The following SLC25A12 variants were observed in gnomAD, a reference collection of about 807,000 sequenced individuals.
The protein encoded by SLC25A12 is electrogenic aspartate/glutamate antiporter SLC25A12, mitochondrial.
A neutral mutation model predicts 83.3 loss-of-function variants in SLC25A12; 32 were observed. That is an observed-to-expected ratio of 0.38 (90% CI 0.29 to 0.52). The LOEUF (loss-of-function observed/expected upper bound fraction) is 0.52. Among genes scored for constraint, SLC25A12 ranks in the 20% least tolerant of loss-of-function variants. SLC25A12 has a pLI of 0.84. For synonymous variants in SLC25A12, 267 were observed against 291.1 expected (o/e 0.92, Z 0.84); for missense variants, 611 against 835.6 (o/e 0.73, Z 3.31).
chr2:171,890,867 T>C (rs539050415), intron 2 of SLC25A12, among the ~76,000 whole-genome samples: 148 of 152,316 alleles, frequency 9.7e-4, no homozygotes, highest in Middle Eastern at 3.4e-3. Flanking sequence ...CAATAATGCT[T>C]GTGTCAATGT....
At chr2:171,793,455 T>C (rs746508211) in intron 14 of SLC25A12, among the ~76,000 whole-genome samples, 172 bp downstream of exon 14, 3 of 152,172 alleles carry the variant, frequency 2.0e-5, no homozygotes, top group Non-Finnish European at 2.9e-5. Context: ...AGAGGCTGCA[T>C]GTGTATCCCA....
chr2:171,846,180 G>C (rs1377990308), intron 4 of SLC25A12, among the ~76,000 whole-genome samples: 3 of 151,246 alleles, frequency 2.0e-5, no homozygotes, highest in Non-Finnish European at 4.4e-5. Flanking sequence ...TTACTTTTAA[G>C]GTCTAACAAA....
At chr2:171,820,727 CAA>C (rs375978724) in intron 9 of SLC25A12, among the ~76,000 whole-genome samples, 90 of 109,580 alleles carry the variant, frequency 8.2e-4, no homozygotes, top group East Asian at 1.1e-3. Context: ...GACTCCGTCT[CAA>C]AAAAAAAAAA....
chr2:171,844,280 T>G (rs1053852542), intron 5 of SLC25A12, 89 bp downstream of exon 5: 1 of 1,429,686 alleles, frequency 7.0e-7, no homozygotes, highest in Non-Finnish European at 9.8e-7. Flanking sequence ...CATGGAGAAC[T>G]TCTATTTTTG....
intron 17 of SLC25A12, among the ~76,000 whole-genome samples, chr2:171,786,382 TAAAAA>T (rs5836348): frequency 4.8e-4 from 41 of 85,794 alleles, no homozygotes; most frequent in African/African-American, 1.7e-3. Context: ...AGACTCCGTC[TAAAAA>T]AAAAAAAAAA....
At chr2:171,875,525 G>GA (rs1685545523) in intron 2 of SLC25A12, among the ~76,000 whole-genome samples, 1 of 152,060 alleles carries the variant, frequency 6.6e-6, no homozygotes, top group Non-Finnish European at 1.5e-5. Context: ...GGCAAGGGGT[G>GA]AAAAAATTCC....
chr2:171,829,892 T>G (rs560634838), intron 8 of SLC25A12, among the ~76,000 whole-genome samples: 1 of 152,304 alleles, frequency 6.6e-6, no homozygotes, highest in Non-Finnish European at 1.5e-5. Flanking sequence ...CTACTGATCC[T>G]AACTGGGACT....
rs140625255 is a variant in SLC25A12 at position 171,859,914 on chromosome 2, C to T, written c.210-3965G>A. 3.4e-4 allele frequency among the ~76,000 whole-genome samples: 52 copies of T among 152,162 alleles called. No homozygotes were observed. In the East Asian group the frequency reaches 9.7e-3, roughly 28 times the overall value. On this transcript the variant is annotated intron_variant, in intron 3 of 17. Coordinates refer to ENST00000422440, the MANE Select transcript of SLC25A12 (RefSeq NM_003705.5). Reference sequence around the variant, plus strand: ...TCCTGAGTAGCTGGGATTACAGGTGCGTGCCACCACACCAGGCTAATTTTT... The same window carrying T: ...TCCTGAGTAGCTGGGATTACAGGTGTGTGCCACCACACCAGGCTAATTTTT...
At chr2:171,894,127 A>G in intron 1 of SLC25A12, 76 bp downstream of exon 1, 1 of 1,539,296 alleles carries the variant, frequency 6.5e-7, no homozygotes, top group East Asian at 2.4e-5. Context: ...TAAAATGGGA[A>G]GCAGTGGGGG....
At chr2:171,806,000 T>C (rs1378116545) in intron 13 of SLC25A12, among the ~76,000 whole-genome samples, 1 of 151,860 alleles carries the variant, frequency 6.6e-6, no homozygotes, top group African/African-American at 2.4e-5. Flanking sequence ...TCCCAGCTAC[T>C]GGGGAGGCTG....
In SLC25A12 at chr2:171,868,765, C is replaced by T. The variant is rs143779282; in HGVS notation, c.125G>A (p.Arg42His). The change falls in exon 3 of 18, where the codon CGC becomes CAC. Residue 42 changes from arginine (R) to histidine (H), a missense_variant. By Grantham distance (29) the Arg-to-His change is conservative (BLOSUM62 0). Transcript: ENST00000422440. The stretch of plus-strand genomic sequence containing the variant: ...TGGATCATTATACAGTCCAAGATAG[C>T]GCTGAACAAAGTCTTCTGGGGTCAT... ...RYMTPEDFVQ[R>H]YLGLYNDPNS... 1.9e-5 allele frequency: 30 copies of T among 1,613,242 alleles called. No homozygotes were observed. The highest frequency in any genetic ancestry group is 4.5e-5 in the East Asian group (2 of 44,892).
intron 3 of SLC25A12, 70 bp from the exon 4 acceptor site, chr2:171,856,019 A>C: frequency 1.2e-6 from 1 of 856,988 alleles, no homozygotes; most frequent in Non-Finnish European, 2.0e-6. Context: ...ATCTGCCTTT[A>C]CTATATAAAC....
chr2:171,826,652 T>G (rs1438760157), intron 9 of SLC25A12, 146 bp downstream of exon 9: 1 of 662,658 alleles, frequency 1.5e-6, no homozygotes, highest in East Asian at 2.8e-5. Context: ...TAACAGTAGT[T>G]CTATAAAGGT....
chr2:171,815,489 T>C (rs1335243255), intron 9 of SLC25A12, among the ~76,000 whole-genome samples: 4 of 152,222 alleles, frequency 2.6e-5, no homozygotes, highest in Non-Finnish European at 5.9e-5. Flanking sequence ...TAATGCCTCA[T>C]TTATCTGCTA....
chr2:171,836,440 GTCCAGA>G (rs1330044694), intron 6 of SLC25A12, among the ~76,000 whole-genome samples: 1 of 152,176 alleles, frequency 6.6e-6, no homozygotes, highest in East Asian at 1.9e-4. Flanking sequence ...TTTGCTATTG[GTCCAGA>G]TGATTACTTT....
chr2:171,863,255 G>C (rs1685204622), intron 3 of SLC25A12, among the ~76,000 whole-genome samples: 1 of 152,170 alleles, frequency 6.6e-6, no homozygotes, highest in Non-Finnish European at 1.5e-5. Context: ...GCCAGGTGCG[G>C]TGGCTTATGC....
Position 171,813,364 on chromosome 2 carries a change from A to G in SLC25A12, c.1146T>C (p.Tyr382=). ...CCCTGTAGAGTCCAAAGAAGCCCTC[A>G]TAACGCAAGACTTTCTTAAAACAGT... ...SFDCFKKVLR[Y]EGFFGLYRGL... Residue 382 remains tyrosine (Y), a synonymous_variant, in exon 11 of 18, where the codon TAT becomes TAC. Transcript: ENST00000422440. The G allele has an allele frequency of 6.2e-7, 1 of 1,614,076 alleles. No homozygotes were observed.
At chr2:171,850,346 T>G (rs1177529141) in intron 4 of SLC25A12, among the ~76,000 whole-genome samples, 159 of 130,982 alleles carry the variant, frequency 1.2e-3, no homozygotes, top group South Asian at 7.0e-3. Context: ...TGTTTTTTTT[T>G]TTTTTTTTTT....
chr2:171,783,538 CTA>C lies in SLC25A12; in HGVS notation c.*1734_*1735del, dbSNP rs1422120000. Among the ~76,000 whole-genome samples, 4 of 152,092 alleles carry C rather than the reference CTA, an allele frequency of 2.6e-5. No individual in the cohort carries two copies. The highest frequency in any genetic ancestry group is 5.9e-5 in the Non-Finnish European group (4 of 68,016). On this transcript the variant is annotated 3_prime_UTR_variant, in exon 18 of 18. Coordinates refer to ENST00000422440, the MANE Select transcript of SLC25A12 (RefSeq NM_003705.5). ...AAAATATAAATATGTACATATATTT[CTA>C]TAGAGTTATGAAAAACAGACTACAT...
Sources: gnomAD v4.1 joint callset for allele counts (sites outside exome capture counted in the v4.1 genomes callset) on GRCh38, gnomAD v4.1.1 for gene constraint, MANE v1.5 for transcripts, NCBI Gene and HGNC (gene_info 2026-07-23, HGNC 2026-07-21) for gene names.